The following JMY variants were observed in gnomAD, a reference collection of about 807,000 sequenced individuals.
JMY encodes junction mediating and regulatory protein, p53 cofactor, also known as junction-mediating and -regulatory protein.
In JMY, 46 loss-of-function variants were observed where a neutral mutation model predicts 103.3. The observed-to-expected ratio is 0.45, with a 90% CI of 0.35 to 0.57. The LOEUF is 0.57. Ranked by LOEUF, JMY falls within the 20% of genes least tolerant of loss-of-function variation. JMY has a pLI of 0.00. For missense variants in JMY, 1,238 were observed against 1,255.2 expected, an observed-to-expected ratio of 0.99 and a Z score of 0.21; for synonymous variants, 526 against 489.3, an observed-to-expected ratio of 1.07 and a Z score of -0.99.
chr5:79,273,819 CTTTT>C (rs1446168208), intron 1 of JMY, among the ~76,000 whole-genome samples: 1 of 151,892 alleles, frequency 6.6e-6, no homozygotes, highest in Admixed American at 6.6e-5. Flanking sequence ...CTGAGGCTTT[CTTTT>C]TTGTTTTTTT....
In JMY at chr5:79,265,126, T is replaced by G. The variant is rs369537100; in HGVS notation, c.1033-12784T>G. On this transcript the variant is annotated intron_variant, in intron 1 of 10. Transcript: ENST00000396137. ...ATTTTCAGTAGAGACAGGTTTCACC[T>G]TGTTAGCCAGGATGGTCTTGATCTC... is the stretch of plus-strand genomic sequence containing the variant. Among the ~76,000 whole-genome samples the G allele has an allele frequency of 1.2e-3, 178 of 152,202 alleles. No homozygotes were observed. In the Middle Eastern group the frequency reaches 0.014, roughly 12 times the overall value.
chr5:79,313,436 C>A (rs6453435), intron 8 of JMY, among the ~76,000 whole-genome samples: 102,985 of 151,990 alleles, frequency 0.68, 36,424 homozygotes, highest in African/African-American at 0.91. Flanking sequence ...AACAAACAAA[C>A]AAAAGGTCTT....
intron 1 of JMY, among the ~76,000 whole-genome samples, chr5:79,270,734 C>T (rs1255242542): frequency 6.9e-6 from 1 of 144,524 alleles, no homozygotes; most frequent in African/African-American, 2.5e-5. Context: ...ATATATACAC[C>T]ATAAATACTT....
chr5:79,307,282 G>A (rs955498174), intron 7 of JMY, among the ~76,000 whole-genome samples: 1 of 152,194 alleles, frequency 6.6e-6, no homozygotes, highest in Non-Finnish European at 1.5e-5. Context: ...GAATGCTGGA[G>A]AGTATGGTAA....
Position 79,316,038 on chromosome 5 carries a change from C to T in JMY, c.2698C>T (p.Arg900Cys). The T allele has an allele frequency of 1.2e-6, 2 of 1,614,146 alleles. No homozygotes were observed. Among genetic ancestry groups the T allele is most frequent in the South Asian group, 1.1e-5 (1 of 91,078 alleles). Residue 900 changes from arginine to cysteine, a missense_variant, in exon 10 of 11, where the codon CGT (arginine) becomes TGT (cysteine). By Grantham distance (180) the Arg-to-Cys change is radical. Coordinates refer to ENST00000396137, the MANE Select transcript of JMY (RefSeq NM_152405.5). ...GGATGAGGTGCTAGCCTCCTTGAAG[C>T]GTGGTAGTTTTCATCTGAAAAAGGT... ...PMDEVLASLK[R>C]GSFHLKKVEQ...
At chr5:79,262,939 T>G (rs1413617562) in intron 1 of JMY, among the ~76,000 whole-genome samples, 1 of 152,244 alleles carries the variant, frequency 6.6e-6, no homozygotes, top group Non-Finnish European at 1.5e-5. Flanking sequence ...CTTGATGTTT[T>G]TGTGTTGGCA....
At chr5:79,312,825 A>T (rs1038992) in intron 8 of JMY, among the ~76,000 whole-genome samples, 93,761 of 151,970 alleles carry the variant, frequency 0.62, 29,553 homozygotes, top group African/African-American at 0.76. Context: ...AAGCATCAGC[A>T]TGTTATTTAT....
intron 1 of JMY, among the ~76,000 whole-genome samples, chr5:79,264,767 A>G (rs993971313): frequency 3.1e-4 from 47 of 152,274 alleles, no homozygotes; most frequent in African/African-American, 1.1e-3. Context: ...TTTTTCTTAG[A>G]ATAACTAAAA....
At position 79,325,543 on chromosome 5, in the gene JMY, A is replaced by G. The variant is rs780811876; in HGVS notation, c.*3941A>G. ...ATTTCCCACTTACTGCTTAGCATAGAAAAAGAGCTATGGTTAGAGGAGTGA... is the reference window on the plus strand; with the variant it reads ...ATTTCCCACTTACTGCTTAGCATAGGAAAAGAGCTATGGTTAGAGGAGTGA... On this transcript the variant is annotated 3_prime_UTR_variant, in exon 11 of 11. Transcript: ENST00000396137. The G allele has an allele frequency of 2.0e-5, 3 of 152,196 alleles. No homozygotes were observed. Among genetic ancestry groups the G allele is most frequent in the Non-Finnish European group, 4.4e-5 (3 of 68,012 alleles). The allele number at this position is 152,196 out of a possible 1,614,324, so 9.4% of individuals were successfully genotyped here.
intron 1 of JMY, among the ~76,000 whole-genome samples, chr5:79,270,094 C>T (rs1286339518): frequency 6.6e-6 from 1 of 151,906 alleles, no homozygotes; most frequent in Non-Finnish European, 1.5e-5. Flanking sequence ...AGGTCATCTG[C>T]AAGCAGAGAC....
At chr5:79,270,517 TA>T in intron 1 of JMY, among the ~76,000 whole-genome samples, 2 of 84,316 alleles carry the variant, frequency 2.4e-5, no homozygotes, top group African/African-American at 7.6e-5. Context: ...CATAAATATT[TA>T]AAATATATAT....
chr5:79,266,470 T>G (rs549911506), intron 1 of JMY, among the ~76,000 whole-genome samples: 2 of 152,254 alleles, frequency 1.3e-5, no homozygotes, highest in African/African-American at 4.8e-5. Context: ...TTAATTGATA[T>G]AGTTGTACAT....
At chr5:79,258,729 A>G (rs919811554) in intron 1 of JMY, among the ~76,000 whole-genome samples, 2 of 152,072 alleles carry the variant, frequency 1.3e-5, no homozygotes, top group African/African-American at 4.8e-5. Context: ...GGTGCCTGGA[A>G]GCTTGGAGAC....
chr5:79,237,839 A>T (rs1039868871), intron 1 of JMY, among the ~76,000 whole-genome samples, 157 bp downstream of exon 1: 2 of 147,540 alleles, frequency 1.4e-5, no homozygotes, highest in African/African-American at 2.5e-5. Flanking sequence ...CTTGCCCTTC[A>T]TCCCTCTCGG....
Position 79,236,265 on chromosome 5 carries a change from A to C in JMY, c.-386A>C, listed in dbSNP as rs3733892. Reference sequence around the variant, plus strand: ...ATCTTGACCTGGGCGAGCGACCGGGACGCATACAGCGCCGGCCTGACCCCG... The same window carrying C: ...ATCTTGACCTGGGCGAGCGACCGGGCCGCATACAGCGCCGGCCTGACCCCG... On this transcript the variant is annotated 5_prime_UTR_variant, in exon 1 of 11. Coordinates refer to ENST00000396137, the MANE Select transcript of JMY (RefSeq NM_152405.5). The C allele has an allele frequency of 0.3, 49,456 of 165,378 alleles. 8,548 individuals carry two copies. The highest frequency in any genetic ancestry group is 0.45 in the South Asian group (2,243 of 4,978). The allele number at this position is 165,378 out of a possible 1,614,324, so 10.2% of individuals were successfully genotyped here.
intron 1 of JMY, among the ~76,000 whole-genome samples, chr5:79,244,790 G>C (rs962874033): frequency 6.6e-6 from 1 of 151,158 alleles, no homozygotes; most frequent in African/African-American, 2.4e-5. Flanking sequence ...AAGTGTAAGA[G>C]ACATAGGCAC....
rs539391730 is a variant in JMY at position 79,293,867 on chromosome 5, AAAT to A, written c.1527+2573_1527+2575del. On this transcript the variant is annotated intron_variant, in intron 4 of 10. Transcript: ENST00000396137. ...TAGTATACTCCCCATCTAGATTTGG[AAAT>A]AATAGCATAATCTGACCATGCAAGT... Among the ~76,000 whole-genome samples, 788 of 150,592 alleles carry A rather than the reference AAAT, an allele frequency of 5.2e-3. 8 individuals carry two copies. Among genetic ancestry groups the A allele is most frequent in the African/African-American group, 0.019 (775 of 40,908 alleles).
chr5:79,318,653 A>G (rs556700447), intron 10 of JMY, among the ~76,000 whole-genome samples: 2 of 152,140 alleles, frequency 1.3e-5, no homozygotes, highest in Non-Finnish European at 2.9e-5. Flanking sequence ...TACATGTAAC[A>G]GTCACTTTGT....
intron 10 of JMY, among the ~76,000 whole-genome samples, chr5:79,321,030 CAT>C (rs1308969294): frequency 6.6e-6 from 1 of 152,202 alleles, no homozygotes; most frequent in Admixed American, 6.5e-5. Flanking sequence ...ACACTAGACA[CAT>C]ATCAAGTGCT....
Sources: allele counts gnomAD v4.1 joint callset (sites outside exome capture counted in the v4.1 genomes callset), GRCh38; gene constraint gnomAD v4.1.1; transcripts MANE v1.5; gene names NCBI Gene and HGNC (gene_info 2026-07-23, HGNC 2026-07-21).